Variants in GALNT17 observed in about 807,000 individuals in gnomAD.
GALNT17 encodes the protein UDP-GalNAc:polypeptide N-acetylgalactosaminyltransferase-like 3.
In GALNT17, 29 loss-of-function variants were observed where a neutral mutation model predicts 63.7. The ratio of observed to expected loss-of-function variants is 0.46; its 90% CI spans 0.34 to 0.62. GALNT17 has a LOEUF of 0.62. GALNT17 is among the 20% of genes least tolerant of loss of function. The pLI, the probability that GALNT17 is intolerant of heterozygous loss-of-function variation, is 0.01. For missense variants in GALNT17, 603 were observed against 799.6 expected (o/e 0.75, Z 2.97); for synonymous variants, 305 against 318.3 (o/e 0.96, Z 0.45).
At chr7:71,521,315 G>A (rs1015190975) in intron 5 of GALNT17, among the ~76,000 whole-genome samples, 5 of 152,030 alleles carry the variant, frequency 3.3e-5, no homozygotes, top group African/African-American at 4.8e-5. Context: ...CTGTCCCCAG[G>A]TGGACACAGC....
intron 6 of GALNT17, among the ~76,000 whole-genome samples, chr7:71,593,007 G>A (rs1789832509): frequency 6.6e-6 from 1 of 151,962 alleles, no homozygotes; most frequent in African/African-American, 2.4e-5. Context: ...AAATTAGCTG[G>A]GTGTAGTGGT....
At chr7:71,357,839 A>G (rs1009991457) in intron 2 of GALNT17, among the ~76,000 whole-genome samples, 1 of 152,166 alleles carries the variant, frequency 6.6e-6, no homozygotes, top group African/African-American at 2.4e-5. Flanking sequence ...CATCAGGATT[A>G]TAACATGCAC....
intron 1 of GALNT17, among the ~76,000 whole-genome samples, chr7:71,213,212 T>C (rs963141795): frequency 6.6e-6 from 1 of 152,194 alleles, no homozygotes; most frequent in African/African-American, 2.4e-5. Context: ...TCTCACGAGA[T>C]CTTACGGTTT....
chr7:71,349,707 A>G (rs190790828), intron 2 of GALNT17, among the ~76,000 whole-genome samples: 1 of 152,312 alleles, frequency 6.6e-6, no homozygotes, highest in African/African-American at 2.4e-5. Context: ...AAATTCCTTA[A>G]TGGTACGTGC....
chr7:71,677,422 G>A, intron 9 of GALNT17, 116 bp downstream of exon 9: 1 of 1,032,086 alleles, frequency 9.7e-7, no homozygotes, highest in Non-Finnish European at 1.4e-6. Flanking sequence ...TATTTATTCT[G>A]AGAAAAATTT....
intron 1 of GALNT17, among the ~76,000 whole-genome samples, chr7:71,258,058 A>T (rs1043307073): frequency 6.6e-6 from 1 of 152,152 alleles, no homozygotes; most frequent in African/African-American, 2.4e-5. Flanking sequence ...TTGAGACGGG[A>T]TGGATCAGGG....
intron 5 of GALNT17, among the ~76,000 whole-genome samples, chr7:71,458,955 G>T (rs150200053): frequency 4.5e-4 from 68 of 152,232 alleles, no homozygotes; most frequent in African/African-American, 1.5e-3. Flanking sequence ...TTCCCATTTA[G>T]GGCCACAGGT....
intron 3 of GALNT17, among the ~76,000 whole-genome samples, chr7:71,394,457 A>G (rs567972281): frequency 1.5e-4 from 23 of 152,170 alleles, no homozygotes; most frequent in African/African-American, 5.3e-4. Flanking sequence ...ATCACTTGTG[A>G]TTCTCAGCAT....
At chr7:71,544,013 G>A (rs1299841617) in intron 5 of GALNT17, among the ~76,000 whole-genome samples, 3 of 151,618 alleles carry the variant, frequency 2.0e-5, no homozygotes, top group Non-Finnish European at 4.4e-5. Flanking sequence ...GGCTGGTCTC[G>A]AACTCCTGAC....
chr7:71,548,554 A>G (rs539952664), intron 5 of GALNT17, among the ~76,000 whole-genome samples: 2 of 152,270 alleles, frequency 1.3e-5, no homozygotes, highest in South Asian at 4.1e-4. Context: ...AAGTCTCATG[A>G]GATCTGATGG....
In GALNT17 at chr7:71,712,900, G is replaced by GC. The variant is rs1791816432; in HGVS notation, c.*758dup. ...CTGCAGTAGGATCTCAGCCACAAGG[G>GC]CCCCGCAGGATGGAGCTGGGTCAAG... is the stretch of plus-strand genomic sequence containing the variant. On this transcript the variant is annotated 3_prime_UTR_variant, in exon 11 of 11. Transcript: ENST00000333538. The GC allele has an allele frequency of 6.5e-6, 1 of 152,694 alleles. No homozygotes were observed. Among genetic ancestry groups the GC allele is most frequent in the Non-Finnish European group, 1.5e-5 (1 of 68,158 alleles). 9.5% of individuals were successfully genotyped at this position (152,694 alleles called of 1,614,324 possible).
intron 1 of GALNT17, among the ~76,000 whole-genome samples, chr7:71,268,612 G>T (rs1790533484): frequency 6.6e-6 from 1 of 151,812 alleles, no homozygotes; most frequent in Non-Finnish European, 1.5e-5. Context: ...AAGAGATTGG[G>T]CTGCCTGCCA....
chr7:71,228,463 A>G (rs543342773), intron 1 of GALNT17, among the ~76,000 whole-genome samples: 1 of 152,300 alleles, frequency 6.6e-6, no homozygotes, highest in South Asian at 2.1e-4. Flanking sequence ...CCTTCAAACA[A>G]CAGAAATGTA....
intron 2 of GALNT17, among the ~76,000 whole-genome samples, chr7:71,369,731 T>G (rs1271483375): frequency 6.8e-6 from 1 of 146,638 alleles, no homozygotes; most frequent in Non-Finnish European, 1.5e-5. Flanking sequence ...AAGAATCACT[T>G]GAACCCAGAG....
chr7:71,563,069 T>C (rs1789281940), intron 5 of GALNT17, among the ~76,000 whole-genome samples: 1 of 152,224 alleles, frequency 6.6e-6, no homozygotes, highest in South Asian at 2.1e-4. Context: ...AACTGTTGTG[T>C]GTGTTGCATA....
chr7:71,315,104 A>G (rs995218910), intron 1 of GALNT17, among the ~76,000 whole-genome samples: 3 of 152,208 alleles, frequency 2.0e-5, no homozygotes, highest in Non-Finnish European at 4.4e-5. Context: ...TGGACACTTC[A>G]TATATATGGA....
chr7:71,510,204 C>G (rs1379263760), intron 5 of GALNT17, among the ~76,000 whole-genome samples: 1 of 152,146 alleles, frequency 6.6e-6, no homozygotes, highest in Non-Finnish European at 1.5e-5. Context: ...ACTTTGGCCT[C>G]CCAAAGTGTT....
chr7:71,655,462 C>T (rs1193245023), intron 6 of GALNT17, among the ~76,000 whole-genome samples: 2 of 152,076 alleles, frequency 1.3e-5, no homozygotes, highest in South Asian at 2.1e-4. Context: ...AAGTCAACAC[C>T]GGGGTAGGCA....
chr7:71,415,087 G>A (rs1333817870), intron 3 of GALNT17, among the ~76,000 whole-genome samples: 6 of 151,958 alleles, frequency 3.9e-5, no homozygotes, highest in Non-Finnish European at 5.9e-5. Context: ...ATAGCTCACT[G>A]CAGCCTCCTG....
Sources: allele counts gnomAD v4.1 joint callset (sites outside exome capture counted in the v4.1 genomes callset), GRCh38; gene constraint gnomAD v4.1.1; transcripts MANE v1.5; gene names NCBI Gene and HGNC (gene_info 2026-07-23, HGNC 2026-07-21).